The following CAMK4 variants were observed in gnomAD, a reference collection of about 807,000 sequenced individuals.
The protein encoded by CAMK4 is calcium/calmodulin-dependent protein kinase type IV.
In CAMK4, 22 loss-of-function variants were observed where a neutral mutation model predicts 44.9. That is an observed-to-expected ratio of 0.49 (90% CI 0.35 to 0.70). The LOEUF (loss-of-function observed/expected upper bound fraction) is 0.70, where lower values mean the gene tolerates loss of function less well. Ranked by LOEUF, CAMK4 falls within the 30% of genes least tolerant of loss-of-function variation. The pLI is 0.01. For synonymous variants in CAMK4, 218 were observed against 215.4 expected, an observed-to-expected ratio of 1.01 and a Z score of -0.11; for missense variants, 498 against 586.8, an observed-to-expected ratio of 0.85 and a Z score of 1.56.
chr5:111,401,823 C>T (rs1013880619), intron 5 of CAMK4, among the ~76,000 whole-genome samples: 25 of 152,154 alleles, frequency 1.6e-4, no homozygotes, highest in Non-Finnish European at 2.4e-4. Context: ...ATTATTAAAA[C>T]ATAGAGGATT....
chr5:111,342,618 A>C (rs908806454), intron 1 of CAMK4, among the ~76,000 whole-genome samples: 3 of 151,480 alleles, frequency 2.0e-5, no homozygotes, highest in Admixed American at 2.0e-4. Context: ...TAATGTTTAC[A>C]TTTAATGTAA....
intron 1 of CAMK4, among the ~76,000 whole-genome samples, chr5:111,257,951 A>C (rs1397743813): frequency 6.6e-6 from 1 of 152,200 alleles, no homozygotes. Flanking sequence ...CATTGAGAAC[A>C]CATGGACAAT....
rs558026722 is a variant in CAMK4, at chr5:111,377,298, A to T, written c.386+356A>T. ...AAAATATTTGAAATATTTGAAAATTATAAAAAATTAAACATGTACTCTGTC... is the reference window on the plus strand; with the variant it reads ...AAAATATTTGAAATATTTGAAAATTTTAAAAAATTAAACATGTACTCTGTC... On this transcript the variant is annotated intron_variant, in intron 4 of 10. Coordinates refer to ENST00000282356, the MANE Select transcript of CAMK4 (RefSeq NM_001744.6). Among the ~76,000 whole-genome samples the T allele has an allele frequency of 2.0e-5, 3 of 152,250 alleles. No homozygotes were observed. In the South Asian group the frequency reaches 6.2e-4, roughly 32 times the overall value.
intron 6 of CAMK4, among the ~76,000 whole-genome samples, chr5:111,447,059 T>C (rs921169276): frequency 1.3e-5 from 2 of 152,228 alleles, no homozygotes. Context: ...TTGTATTTTG[T>C]AAATAAGTTT....
At chr5:111,372,588 G>A (rs1751051045) in intron 2 of CAMK4, among the ~76,000 whole-genome samples, 1 of 152,100 alleles carries the variant, frequency 6.6e-6, no homozygotes, top group Non-Finnish European at 1.5e-5. Flanking sequence ...ATTTGGTTAT[G>A]TCTGCAGATA....
chr5:111,362,786 G>T (rs1750644089), intron 2 of CAMK4, among the ~76,000 whole-genome samples: 1 of 151,938 alleles, frequency 6.6e-6, no homozygotes, highest in Non-Finnish European at 1.5e-5. Context: ...ACCCAGCCAG[G>T]CTCTGTGCCC....
At chr5:111,391,409 C>A (rs981070317) in intron 4 of CAMK4, among the ~76,000 whole-genome samples, 2 of 151,844 alleles carry the variant, frequency 1.3e-5, no homozygotes, top group African/African-American at 4.8e-5. Flanking sequence ...TGATTTAGTT[C>A]CAATAGAGAA....
intron 2 of CAMK4, among the ~76,000 whole-genome samples, chr5:111,357,250 C>T (rs778083651): frequency 6.6e-6 from 1 of 152,024 alleles, no homozygotes; most frequent in Non-Finnish European, 1.5e-5. Context: ...TCAGAGAGCT[C>T]AGTGGTAAAT....
chr5:111,265,665 T>C (rs983679627), intron 1 of CAMK4: 1 of 152,098 alleles, frequency 6.6e-6, no homozygotes, highest in East Asian at 1.9e-4. Context: ...GAATGCAAAA[T>C]TTAGTAGATG....
intron 5 of CAMK4, among the ~76,000 whole-genome samples, chr5:111,444,611 A>G (rs1329706592): frequency 1.3e-5 from 2 of 152,080 alleles, no homozygotes; most frequent in Non-Finnish European, 1.5e-5. Context: ...TGCTGCAACT[A>G]TCCACTCTTC....
At chr5:111,333,328 A>T (rs971468572) in intron 1 of CAMK4, among the ~76,000 whole-genome samples, 1 of 151,686 alleles carries the variant, frequency 6.6e-6, no homozygotes, top group Non-Finnish European at 1.5e-5. Flanking sequence ...CACTCACAGA[A>T]AAAAAGGAAA....
intron 4 of CAMK4, among the ~76,000 whole-genome samples, chr5:111,380,452 C>G (rs1482715140): frequency 1.3e-5 from 2 of 152,122 alleles, no homozygotes; most frequent in African/African-American, 4.8e-5. Flanking sequence ...TTTCATCACC[C>G]AAATATTAAA....
intron 5 of CAMK4, among the ~76,000 whole-genome samples, chr5:111,432,722 G>A (rs573169869): frequency 7.3e-5 from 11 of 149,806 alleles, no homozygotes. Context: ...GCACAAATAT[G>A]TGCTAGACTT....
chr5:111,312,899 T>C (rs1260087896), intron 1 of CAMK4, among the ~76,000 whole-genome samples: 2 of 152,116 alleles, frequency 1.3e-5, no homozygotes, highest in Non-Finnish European at 2.9e-5. Context: ...GCGGCCCTCC[T>C]TTTTTGTCTT....
At chr5:111,362,839 C>T (rs1204527070) in intron 2 of CAMK4, among the ~76,000 whole-genome samples, 2 of 152,054 alleles carry the variant, frequency 1.3e-5, no homozygotes, top group Non-Finnish European at 2.9e-5. Flanking sequence ...CAGCTACATC[C>T]ATAGAATTCT....
At chr5:111,389,673 A>T (rs1751731307) in intron 4 of CAMK4, among the ~76,000 whole-genome samples, 1 of 152,170 alleles carries the variant, frequency 6.6e-6, no homozygotes, top group Admixed American at 6.5e-5. Flanking sequence ...CTATGGGGAA[A>T]ATCCACACTG....
chr5:111,253,993 A>T (rs1024051148), intron 1 of CAMK4, among the ~76,000 whole-genome samples: 1 of 152,192 alleles, frequency 6.6e-6, no homozygotes, highest in African/African-American at 2.4e-5. Context: ...GCATTTCAGA[A>T]ATCTTTTTGT....
intron 2 of CAMK4, among the ~76,000 whole-genome samples, chr5:111,372,341 T>G (rs1173240792): frequency 1.3e-5 from 2 of 152,170 alleles, no homozygotes; most frequent in Non-Finnish European, 2.9e-5. Flanking sequence ...GACCCATTCT[T>G]GGCCTTGTCA....
chr5:111,321,514 ACTG>A (rs35969352), intron 1 of CAMK4, among the ~76,000 whole-genome samples: 62,727 of 151,166 alleles, frequency 0.41, 13,526 homozygotes, highest in South Asian at 0.55. Context: ...ACTGAATGTC[ACTG>A]ACAAGCCTAA....
Sources: gnomAD v4.1 joint callset for allele counts (sites outside exome capture counted in the v4.1 genomes callset) on GRCh38, gnomAD v4.1.1 for gene constraint, MANE v1.5 for transcripts, NCBI Gene and HGNC (gene_info 2026-07-23, HGNC 2026-07-21) for gene names.